The following SIAH1 variants were observed in gnomAD, a reference collection of about 807,000 sequenced individuals.
The protein encoded by SIAH1 is siah E3 ubiquitin protein ligase 1, also known as E3 ubiquitin-protein ligase SIAH1.
In SIAH1, 2 loss-of-function variants were observed where a neutral mutation model predicts 20.0. That is an observed-to-expected ratio of 0.10 (90% confidence interval 0.04 to 0.31). The LOEUF (loss-of-function observed/expected upper bound fraction) is 0.31, where lower values mean the gene tolerates loss of function less well. Among genes scored for constraint, SIAH1 ranks in the 10% least tolerant of loss-of-function variants. SIAH1 has a pLI of 1.00. For missense variants in SIAH1, 119 were observed against 355.3 expected, an observed-to-expected ratio of 0.33 and a Z score of 5.35; for synonymous variants, 118 against 125.3, an observed-to-expected ratio of 0.94 and a Z score of 0.39.
chr16:48,385,043 G>A (rs1961414145), intron 1 of SIAH1, among the ~76,000 whole-genome samples, 161 bp downstream of exon 1: 1 of 148,548 alleles, frequency 6.7e-6, no homozygotes, highest in Admixed American at 6.7e-5. Context: ...CGCTCGACCG[G>A]GCGGCCCGAC....
intron 1 of SIAH1, among the ~76,000 whole-genome samples, chr16:48,382,592 CTAT>C (rs1448225623): frequency 6.6e-6 from 1 of 152,044 alleles, no homozygotes; most frequent in Non-Finnish European, 1.5e-5. Context: ...TTGAAGAATA[CTAT>C]TAAGGATACT....
rs566802132 is a variant in SIAH1 at position 48,362,982 on chromosome 16, TAC to T, written c.-2-554_-2-553del. 1.7e-3 allele frequency: 289 copies of T among 166,386 alleles called. 2 individuals carry two copies. The highest frequency in any genetic ancestry group is 5.8e-4 in the East Asian group (3 of 5,204). 10.3% of individuals were successfully genotyped at this position (166,386 alleles called of 1,614,324 possible). Reference sequence around the variant, plus strand: ...TATAAAGAATACAAAATTTTTAAAATACAGTCTATAACAACTATTTACATATT... The same window carrying T: ...TATAAAGAATACAAAATTTTTAAAATAGTCTATAACAACTATTTACATATT... On this transcript the variant is annotated intron_variant, in intron 1 of 1. Transcript: ENST00000394725. This position sits in a 1 kb window ranked among gnomAD's most constrained non-coding sequence, Gnocchi z 4.2.
intron 1 of SIAH1, among the ~76,000 whole-genome samples, chr16:48,379,159 C>T (rs1276247141): frequency 6.6e-6 from 1 of 151,630 alleles, no homozygotes; most frequent in East Asian, 1.9e-4. Flanking sequence ...AGCCAAGAGA[C>T]ACATCCAGAT....
intron 1 of SIAH1, among the ~76,000 whole-genome samples, chr16:48,375,111 T>A (rs1961074476): frequency 6.6e-6 from 1 of 152,230 alleles, no homozygotes; most frequent in Non-Finnish European, 1.5e-5. Flanking sequence ...ATGGTGCCAC[T>A]GAACTCCAGC....
intron 1 of SIAH1, among the ~76,000 whole-genome samples, chr16:48,368,321 T>C (rs989553988): frequency 3.3e-5 from 5 of 152,336 alleles, no homozygotes; most frequent in African/African-American, 1.2e-4. Flanking sequence ...TTATAAAGAT[T>C]AGTCTGATTA....
chr16:48,365,651 TC>T, intron 1 of SIAH1: 1 of 1,428,932 alleles, frequency 7.0e-7, no homozygotes, highest in Non-Finnish European at 9.1e-7. Context: ...AGCCTTTCCA[TC>T]CCCAGGAGGC....
intron 1 of SIAH1, among the ~76,000 whole-genome samples, chr16:48,372,407 T>G (rs1240225165): frequency 6.6e-6 from 1 of 152,212 alleles, no homozygotes; most frequent in East Asian, 1.9e-4. Flanking sequence ...ACTAAGATTC[T>G]GTTCACAAGG....
chr16:48,360,852 CTT>C lies in SIAH1; in HGVS notation c.*726_*727del, dbSNP rs1233544832. 1.3e-5 allele frequency: 2 copies of C among 152,230 alleles called. No individual in the cohort carries two copies. The highest frequency in any genetic ancestry group is 4.8e-5 in the African/African-American group (2 of 41,452). The allele number at this position is 152,230 out of a possible 1,614,324, so 9.4% of individuals were successfully genotyped here. ...AGCACCTTATAGATGCTTTAAATAG[CTT>C]TTGATTATTTTTCCGATGTCACCTT... On this transcript the variant is annotated 3_prime_UTR_variant, in exon 2 of 2. Transcript: ENST00000394725.
chr16:48,368,779 C>T (rs962525203), intron 1 of SIAH1, among the ~76,000 whole-genome samples: 6 of 152,096 alleles, frequency 3.9e-5, no homozygotes, highest in South Asian at 2.1e-4. Flanking sequence ...ATTATCACTA[C>T]CCCATCTCTA....
intron 1 of SIAH1, chr16:48,363,466 G>A (rs957859517): frequency 4.2e-5 from 7 of 167,060 alleles, no homozygotes; most frequent in Non-Finnish European, 4.4e-5. Context: ...GGTGAAGTGA[G>A]GCATGGGAGA....
At position 48,361,717 on chromosome 16, in the gene SIAH1, C is replaced by A; in HGVS notation, c.712G>T (p.Ala238Ser). Residue 238 changes from alanine to serine, a missense_variant, in exon 2 of 2, where the codon GCG (alanine) becomes TCG (serine). Around this residue, in one of 2 missense-constraint regions of SIAH1, gnomAD observed 84 missense variants for 307.8 expected, o/e 0.27. Transcript: ENST00000394725. ...CCTTCATGAATAGATCGAGGAGTCG[C>A]TTCCCAAGTCAATCGTCGCCTATGA... ...NGHRRRLTWEATPRSIHEGIA... is the reference protein window; with the variant it reads ...NGHRRRLTWESTPRSIHEGIA... 1.2e-6 allele frequency: 2 copies of A among 1,614,210 alleles called. No homozygotes were observed. The highest frequency in any genetic ancestry group is 1.7e-6 in the Non-Finnish European group (2 of 1,180,028).
At chr16:48,363,355 T>C (rs1960682931) in intron 1 of SIAH1, 1 of 167,080 alleles carries the variant, frequency 6.0e-6, no homozygotes, top group Non-Finnish European at 1.5e-5. Context: ...CAGCCAGGTA[T>C]TAATCTTATT....
chr16:48,365,431 A>C (rs1597022040), intron 1 of SIAH1: 1 of 1,613,564 alleles, frequency 6.2e-7, no homozygotes, highest in Non-Finnish European at 8.5e-7. Flanking sequence ...TGTGAACAAG[A>C]CTCCCCTCCA....
At chr16:48,382,056 G>A (rs1961310196) in intron 1 of SIAH1, among the ~76,000 whole-genome samples, 1 of 152,050 alleles carries the variant, frequency 6.6e-6, no homozygotes, top group East Asian at 1.9e-4. Context: ...TGCATAAGGG[G>A]ATATATGGGT....
At chr16:48,365,200 A>C in intron 1 of SIAH1, 1 of 611,048 alleles carries the variant, frequency 1.6e-6, no homozygotes. Context: ...ACAGCCCTGC[A>C]GAAGTCATGA....
Position 48,366,342 on chromosome 16 carries a change from C to T in SIAH1, c.-2-3912G>A, listed in dbSNP as rs186881356. On this transcript the variant is annotated intron_variant, in intron 1 of 1. Transcript: ENST00000394725. ...AAAACATTCTCCCTAATTCATTCAA[C>T]GGCTATTTACCGGGCATCAACTACC... Among the ~76,000 whole-genome samples, 299 of 152,320 alleles carry T rather than the reference C, an allele frequency of 2.0e-3. 3 individuals are homozygous for T. Among genetic ancestry groups the T allele is most frequent in the African/African-American group, 7.0e-3 (292 of 41,584 alleles).
chr16:48,371,871 T>G (rs2151050475), intron 1 of SIAH1, among the ~76,000 whole-genome samples: 1 of 152,320 alleles, frequency 6.6e-6, no homozygotes, highest in Admixed American at 6.5e-5. Context: ...AGCTTGCTCT[T>G]TTACTCCATC....
chr16:48,379,575 T>C (rs1390444595), intron 1 of SIAH1, among the ~76,000 whole-genome samples: 1 of 152,234 alleles, frequency 6.6e-6, no homozygotes, highest in Non-Finnish European at 1.5e-5. Flanking sequence ...AATAACTTTT[T>C]ACTGAGCACC....
rs542258656 is a variant in SIAH1, at chr16:48,362,956, T to G, written c.-2-526A>C. On this transcript the variant is annotated intron_variant, in intron 1 of 1. Transcript: ENST00000394725. This position sits in a 1 kb window ranked among gnomAD's most constrained non-coding sequence, Gnocchi z 4.2. The stretch of plus-strand genomic sequence containing the variant: ...ATGGATTGAAAATATTCAGAAAAAT[T>G]TATAAAGAATACAAAATTTTTAAAA... 6.0e-6 allele frequency: 1 copy of G among 165,670 alleles called. No individual in the cohort carries two copies. The highest frequency in any genetic ancestry group is 2.4e-5 in the African/African-American group (1 of 41,436). 10.3% of individuals were successfully genotyped at this position (165,670 alleles called of 1,614,324 possible).
Sources: gnomAD v4.1 joint callset for allele counts (sites outside exome capture counted in the v4.1 genomes callset) on GRCh38, gnomAD v4.1.1 for gene constraint, gnomAD v4.1.1 regional missense constraint, Gnocchi (gnomAD v3.1) non-coding constraint, MANE v1.5 for transcripts, NCBI Gene and HGNC (gene_info 2026-07-23, HGNC 2026-07-21) for gene names.